PIGU: variants seen among roughly 807,000 people sequenced by gnomAD.
PIGU encodes the protein GPI-anchor transamidase component PIGU.
A neutral mutation model predicts 49.9 loss-of-function variants in PIGU; 24 were observed. The observed-to-expected ratio is 0.48, with a 90% CI of 0.35 to 0.68. The LOEUF is 0.68. PIGU is among the 30% of genes least tolerant of loss of function. The pLI is 0.01. For missense variants in PIGU, 490 were observed against 532.6 expected, an observed-to-expected ratio of 0.92 and a Z score of 0.79; for synonymous variants, 220 against 205.7, an observed-to-expected ratio of 1.07 and a Z score of -0.59.
At chr20:34,566,739 G>A (rs1982783802) in intron 11 of PIGU, among the ~76,000 whole-genome samples, 1 of 152,142 alleles carries the variant, frequency 6.6e-6, no homozygotes, top group Non-Finnish European at 1.5e-5. Flanking sequence ...TTAGGGGCCA[G>A]TCCTGCCTGT....
At chr20:34,575,947 CAA>C (rs1983214016) in intron 10 of PIGU, among the ~76,000 whole-genome samples, 1 of 152,216 alleles carries the variant, frequency 6.6e-6, no homozygotes, top group Admixed American at 6.5e-5. Context: ...TGGCTTCAGC[CAA>C]ACAGGAGTGT....
chr20:34,594,281 A>C (rs933235829), intron 7 of PIGU, among the ~76,000 whole-genome samples: 5 of 152,252 alleles, frequency 3.3e-5, no homozygotes, highest in Non-Finnish European at 7.3e-5. Flanking sequence ...AAGTATATAC[A>C]AGGTTACTCG....
intron 7 of PIGU, among the ~76,000 whole-genome samples, chr20:34,590,937 C>T (rs1467011757): frequency 5.3e-5 from 8 of 151,788 alleles, no homozygotes; most frequent in African/African-American, 1.7e-4. Flanking sequence ...AGGAGAATGG[C>T]GTGAACCCAG....
At chr20:34,650,996 G>A (rs749261622) in intron 2 of PIGU, among the ~76,000 whole-genome samples, 1 of 152,026 alleles carries the variant, frequency 6.6e-6, no homozygotes, top group Non-Finnish European at 1.5e-5. Context: ...TTACAGATGT[G>A]AGCCACCATG....
At chr20:34,668,585 T>C (rs184096121) in intron 1 of PIGU, among the ~76,000 whole-genome samples, 1,953 of 147,676 alleles carry the variant, frequency 0.013, 51 homozygotes, top group African/African-American at 0.046. Context: ...CTGGCTAACA[T>C]GGTGAAATCC....
chr20:34,561,717 C>T (rs1982521754), intron 11 of PIGU, among the ~76,000 whole-genome samples: 1 of 152,020 alleles, frequency 6.6e-6, no homozygotes, highest in Non-Finnish European at 1.5e-5. Flanking sequence ...TGAGACCTTG[C>T]TAGGGTCCCT....
At chr20:34,574,723 C>A (rs1160437904) in intron 11 of PIGU, among the ~76,000 whole-genome samples, 1 of 152,156 alleles carries the variant, frequency 6.6e-6, no homozygotes, top group Non-Finnish European at 1.5e-5. Context: ...CCACAGGCAC[C>A]ATTACAGAAA....
chr20:34,637,605 C>G (rs1297910318), intron 5 of PIGU, among the ~76,000 whole-genome samples: 1 of 152,176 alleles, frequency 6.6e-6, no homozygotes, highest in Non-Finnish European at 1.5e-5. Flanking sequence ...TATAAGTAGG[C>G]TGGAACCCAG....
intron 6 of PIGU, among the ~76,000 whole-genome samples, chr20:34,629,728 T>C (rs1405378784): frequency 6.6e-6 from 1 of 152,186 alleles, no homozygotes; most frequent in African/African-American, 2.4e-5. Flanking sequence ...GGGAAAAATG[T>C]TGGAAAAATC....
At chr20:34,627,390 T>C (rs1985529622) in intron 6 of PIGU, among the ~76,000 whole-genome samples, 1 of 152,130 alleles carries the variant, frequency 6.6e-6, no homozygotes, top group South Asian at 2.1e-4. Context: ...CAAAATTATG[T>C]ATATAACATT....
chr20:34,663,138 C>T (rs1600670581), intron 1 of PIGU, among the ~76,000 whole-genome samples: 1 of 152,134 alleles, frequency 6.6e-6, no homozygotes, highest in East Asian at 1.9e-4. Flanking sequence ...CTCCTGGGCT[C>T]AAGCCATCTT....
chr20:34,608,547 G>C (rs376053715), intron 7 of PIGU, among the ~76,000 whole-genome samples: 27 of 152,126 alleles, frequency 1.8e-4, no homozygotes, highest in Middle Eastern at 3.4e-3. Context: ...GTTGTAACAA[G>C]ATGTCCCAGT....
rs1038031644 is a variant in PIGU at position 34,578,763 on chromosome 20, A to G, written c.1051+2785T>C. ...TGACAGGCCAGAAGATTAAAGCTAT[A>G]TATGCCAGAGCAGATGGAGCTGGAG... is the stretch of plus-strand genomic sequence containing the variant. On this transcript the variant is annotated intron_variant, in intron 10 of 11. Transcript: ENST00000217446. 2.0e-5 allele frequency among the ~76,000 whole-genome samples: 3 copies of G among 152,220 alleles called. No individual in the cohort carries two copies. The South Asian group carries it at 6.2e-4, about 31-fold the overall frequency.
chr20:34,590,533 C>T (rs1223248284), intron 7 of PIGU, among the ~76,000 whole-genome samples: 1 of 151,876 alleles, frequency 6.6e-6, no homozygotes, highest in Non-Finnish European at 1.5e-5. Flanking sequence ...GCACTCCAGC[C>T]TGGGCAACAG....
At chr20:34,615,284 C>G (rs553128182) in intron 7 of PIGU, among the ~76,000 whole-genome samples, 3 of 152,158 alleles carry the variant, frequency 2.0e-5, no homozygotes, top group Non-Finnish European at 4.4e-5. Flanking sequence ...AATTTGCATT[C>G]TTCAATTAAT....
At chr20:34,626,459 C>T (rs1210292891) in intron 6 of PIGU, among the ~76,000 whole-genome samples, 1 of 152,034 alleles carries the variant, frequency 6.6e-6, no homozygotes, top group Non-Finnish European at 1.5e-5. Flanking sequence ...CCCACCACCA[C>T]GCCCTGCTAA....
At chr20:34,631,756 TATATATATATATATATATATATATATATA>T (rs1568649368) in intron 6 of PIGU, among the ~76,000 whole-genome samples, 55 of 4,712 alleles carry the variant, frequency 0.012, 2 homozygotes, top group African/African-American at 0.028. Flanking sequence ...TATATATATA[TATATATATATATATATATATATATATATA>T]TTTTTTTTTT....
chr20:34,649,680 G>A (rs372910995), intron 2 of PIGU, among the ~76,000 whole-genome samples: 2 of 150,704 alleles, frequency 1.3e-5, no homozygotes, highest in Non-Finnish European at 3.0e-5. Context: ...GATTACAGGC[G>A]TATGCCACCA....
At position 34,650,700 on chromosome 20, in the gene PIGU, C is replaced by CTT. The variant is rs59998699; in HGVS notation, c.196-5368_196-5367dup. ...AATTTTTTTCCTTTTCTTTTTTTCT[C>CTT]TTTTTTTTTTTTTTTTTTTTTTTTT... is the stretch of plus-strand genomic sequence containing the variant. On this transcript the variant is annotated intron_variant, in intron 2 of 11. Transcript: ENST00000217446. 6.2e-3 allele frequency among the ~76,000 whole-genome samples: 239 copies of CTT among 38,800 alleles called. 11 individuals are homozygous for CTT. Among genetic ancestry groups the CTT allele is most frequent in the Non-Finnish European group, 7.4e-3 (170 of 22,822 alleles). 25.5% of individuals were successfully genotyped at this position (38,800 alleles called of 152,430 possible).
Sources: gnomAD v4.1 joint callset for allele counts (sites outside exome capture counted in the v4.1 genomes callset) on GRCh38, gnomAD v4.1.1 for gene constraint, MANE v1.5 for transcripts, NCBI Gene and HGNC (gene_info 2026-07-23, HGNC 2026-07-21) for gene names.